Variants in PRKCZ observed in about 807,000 individuals in gnomAD.
The protein encoded by PRKCZ is protein kinase C zeta type.
A neutral mutation model predicts 79.5 loss-of-function variants in PRKCZ; 33 were observed. That is an observed-to-expected ratio of 0.41 (90% CI 0.31 to 0.55). PRKCZ has a LOEUF of 0.55. Ranked by LOEUF, PRKCZ falls within the 20% of genes least tolerant of loss-of-function variation. The pLI is 0.19. For missense variants in PRKCZ, 578 were observed against 813.5 expected (o/e 0.71, Z 3.52); for synonymous variants, 342 against 320.9 (o/e 1.07, Z -0.70).
chr1:2,129,995 C>G (rs551662575), intron 4 of PRKCZ, among the ~76,000 whole-genome samples: 1 of 152,306 alleles, frequency 6.6e-6, no homozygotes, highest in East Asian at 1.9e-4. Context: ...CTCCACCTGC[C>G]AGGCTCAGGT....
At chr1:2,052,774 C>G (rs1201213086) in intron 1 of PRKCZ, among the ~76,000 whole-genome samples, 3 of 152,184 alleles carry the variant, frequency 2.0e-5, no homozygotes, top group Non-Finnish European at 4.4e-5. Flanking sequence ...ATTGAAAGCC[C>G]TAGAAACTCT....
intron 4 of PRKCZ, among the ~76,000 whole-genome samples, chr1:2,071,051 C>CATCTGGGCGTGTGACCTGGGCGTGTG (rs1661532504): frequency 6.6e-6 from 1 of 151,682 alleles, no homozygotes; most frequent in African/African-American, 2.4e-5. Context: ...GCAGCCAGTA[C>CATCTGGGCGTGTGACCTGGGCGTGTG]ACCTGGGCGT....
At chr1:2,062,103 G>C (rs1224354223) in intron 4 of PRKCZ, among the ~76,000 whole-genome samples, 1 of 151,936 alleles carries the variant, frequency 6.6e-6, no homozygotes, top group East Asian at 1.9e-4. Flanking sequence ...CGTCAGCAGA[G>C]GACCTTCTGG....
chr1:2,049,282 G>T, upstream of PRKCZ: 1 of 152,498 alleles, frequency 6.6e-6, no homozygotes, highest in Non-Finnish European at 1.5e-5. Context: ...CCGGCTTGGC[G>T]GAAGCTTTGC....
Position 2,056,368 on chromosome 1 carries a change from G to A in PRKCZ, c.194-116G>A, listed in dbSNP as rs530863141. ...GACCCTGCCAGGAGGTGGCCAGTCT[G>A]AGCATCGGGACTTTGCCCCCCACCA... On this transcript the variant is annotated intron_variant, in intron 2 of 17. Transcript: ENST00000378567. The A allele has an allele frequency of 9.1e-5, 85 of 929,612 alleles. No individual in the cohort carries two copies. In the African/African-American group the frequency reaches 1.4e-3, roughly 15 times the overall value. The allele number at this position is 929,612 out of a possible 1,614,324, so 57.6% of individuals were successfully genotyped here.
Position 2,155,344 on chromosome 1 carries a change from TGGTGGTGATGAC to T in PRKCZ, c.877-646_877-635del, listed in dbSNP as rs576330648. ...GTGATGATGGTAGTGGTGATGACAA[TGGTGGTGATGAC>T]GGTGATGATGGTGATGACAGTGGTG... On this transcript the variant is annotated intron_variant, in intron 9 of 17. Coordinates refer to ENST00000378567, the MANE Select transcript of PRKCZ (RefSeq NM_002744.6). Among the ~76,000 whole-genome samples, 21 of 151,726 alleles carry T rather than the reference TGGTGGTGATGAC, an allele frequency of 1.4e-4. 1 individual carries two copies. The South Asian group carries it at 3.5e-3, about 26-fold the overall frequency.
Position 2,089,315 on chromosome 1 carries a change from C to T in PRKCZ, c.334+29724C>T, listed in dbSNP as rs1557531757. On this transcript the variant is annotated intron_variant, in intron 4 of 17. Transcript: ENST00000378567. ...GTGACGGTGTGAGCATGAGGATACT[C>T]AGAGCTGGGAAGACTTGAGGGTCGG... is the stretch of plus-strand genomic sequence containing the variant. 2.0e-5 allele frequency among the ~76,000 whole-genome samples: 3 copies of T among 152,154 alleles called. No individual in the cohort carries two copies. The South Asian group carries it at 6.2e-4, about 31-fold the overall frequency.
At chr1:2,119,943 C>T (rs765101564) in intron 4 of PRKCZ, among the ~76,000 whole-genome samples, 30 of 151,954 alleles carry the variant, frequency 2.0e-4, no homozygotes, top group South Asian at 2.1e-4. Context: ...TGCGCCACCA[C>T]GCCCAGTTGT....
At chr1:2,058,573 G>T (rs765098313) in intron 3 of PRKCZ, among the ~76,000 whole-genome samples, 6 of 152,066 alleles carry the variant, frequency 3.9e-5, no homozygotes, top group Non-Finnish European at 8.8e-5. Flanking sequence ...AGATACAGTG[G>T]CTTAAAAATT....
chr1:2,156,648 TG>T, intron 10 of PRKCZ: 1 of 155,602 alleles, frequency 6.4e-6, no homozygotes, highest in Non-Finnish European at 1.4e-5. Context: ...ATGGCCGCAC[TG>T]GGGGCCACAG....
chr1:2,180,271 T>A (rs1204541403), intron 16 of PRKCZ, among the ~76,000 whole-genome samples: 4 of 152,038 alleles, frequency 2.6e-5, no homozygotes, highest in Non-Finnish European at 4.4e-5. Context: ...GGTGGGGCTT[T>A]AAGGCCAACC....
At chr1:2,056,998 G>A (rs1278654888) in intron 3 of PRKCZ, among the ~76,000 whole-genome samples, 1 of 152,158 alleles carries the variant, frequency 6.6e-6, no homozygotes. Flanking sequence ...AAAGTGCTGG[G>A]ATTACAGATG....
In PRKCZ at chr1:2,165,829, G is replaced by A. The variant is rs1557719515; in HGVS notation, c.975-3689G>A. On this transcript the variant is annotated intron_variant, in intron 10 of 17. Coordinates refer to ENST00000378567, the MANE Select transcript of PRKCZ (RefSeq NM_002744.6). The surrounding 1 kb of genome is among the most constrained non-coding windows in gnomAD (Gnocchi z 4.1). Reference sequence around the variant, plus strand: ...GCACCTTGCATTCCTGGAAGGGGTGGGGGGAGTGGCGAGGAGGGGGCGGCA... The same window carrying A: ...GCACCTTGCATTCCTGGAAGGGGTGAGGGGAGTGGCGAGGAGGGGGCGGCA... 6.6e-6 allele frequency among the ~76,000 whole-genome samples: 1 copy of A among 152,120 alleles called. No homozygotes were observed. The highest frequency in any genetic ancestry group is 2.1e-4 in the South Asian group (1 of 4,826).
intron 3 of PRKCZ, among the ~76,000 whole-genome samples, chr1:2,058,457 G>A (rs188148962): frequency 6.6e-6 from 1 of 152,240 alleles, no homozygotes; most frequent in East Asian, 1.9e-4. Flanking sequence ...TAGCCTGAGT[G>A]ATGGGGCGAA....
At chr1:2,061,563 C>T (rs1375027765) in intron 4 of PRKCZ, among the ~76,000 whole-genome samples, 2 of 152,138 alleles carry the variant, frequency 1.3e-5, no homozygotes, top group Admixed American at 1.3e-4. Flanking sequence ...AGATGTTTAC[C>T]AGGGGTGGCT....
At chr1:2,073,656 T>G in intron 4 of PRKCZ, 1 of 991,958 alleles carries the variant, frequency 1.0e-6, no homozygotes, top group African/African-American at 1.7e-5. Flanking sequence ...TGTTTTAGTT[T>G]GTGCCTCAGC....
chr1:2,058,371 G>A (rs1379859595), intron 3 of PRKCZ, among the ~76,000 whole-genome samples: 15 of 149,202 alleles, frequency 1.0e-4, no homozygotes, highest in Admixed American at 6.7e-4. Context: ...CCAGTTACTC[G>A]GGAGGCTGAG....
rs527616658 is a variant in PRKCZ at position 2,103,125 on chromosome 1, A to G, written c.335-32137A>G. On this transcript the variant is annotated intron_variant, in intron 4 of 17. Coordinates refer to ENST00000378567, the MANE Select transcript of PRKCZ (RefSeq NM_002744.6). ...AGTGATTCTCCCACTTCGCCCGCCC[A>G]AAGTACTGGGAGCCACCACGCCGGG... Among the ~76,000 whole-genome samples the G allele has an allele frequency of 5.3e-5, 8 of 152,274 alleles. No homozygotes were observed. In the South Asian group the frequency reaches 1.7e-3, roughly 32 times the overall value.
intron 5 of PRKCZ, among the ~76,000 whole-genome samples, chr1:2,136,608 G>C (rs1477750720): frequency 6.6e-6 from 1 of 152,186 alleles, no homozygotes; most frequent in African/African-American, 2.4e-5. Context: ...CTAGGCGGCT[G>C]TGTGCTTAGG....
Sources: gnomAD v4.1 joint callset for allele counts (sites outside exome capture counted in the v4.1 genomes callset) on GRCh38, gnomAD v4.1.1 for gene constraint, Gnocchi (gnomAD v3.1) non-coding constraint, MANE v1.5 for transcripts, NCBI Gene and HGNC (gene_info 2026-07-23, HGNC 2026-07-21) for gene names.